Variants in NRXN1 observed in about 807,000 individuals in gnomAD.
NRXN1 encodes neurexin-1.
NRXN1 carries 39 observed loss-of-function variants against 150.9 expected under a neutral mutation model. That is an observed-to-expected ratio of 0.26 (90% CI 0.20 to 0.34). NRXN1 has a LOEUF of 0.34. Ranked by LOEUF, NRXN1 falls within the 10% of genes least tolerant of loss-of-function variation. The pLI, the probability that NRXN1 is intolerant of heterozygous loss-of-function variation, is 1.00. For missense variants in NRXN1, 1,815 were observed against 1,949.9 expected (o/e 0.93, Z 1.30); for synonymous variants, 924 against 757.0 (o/e 1.22, Z -3.62).
chr2:50,649,257 CAT>C (rs1422949726), intron 5 of NRXN1, among the ~76,000 whole-genome samples: 5 of 92,620 alleles, frequency 5.4e-5, no homozygotes, highest in Admixed American at 1.4e-4. Flanking sequence ...CACATACACA[CAT>C]ACACACACAC....
intron 21 of NRXN1, among the ~76,000 whole-genome samples, chr2:50,040,886 T>G (rs1168194886): frequency 6.6e-6 from 1 of 152,184 alleles, no homozygotes; most frequent in Non-Finnish European, 1.5e-5. Flanking sequence ...TAAATTACAC[T>G]TTAAGTTTTA....
chr2:50,660,771 G>C (rs951751009), intron 5 of NRXN1, among the ~76,000 whole-genome samples: 1 of 151,972 alleles, frequency 6.6e-6, no homozygotes, highest in Non-Finnish European at 1.5e-5. Flanking sequence ...AGATACTGGA[G>C]CACTACCTCC....
At chr2:50,831,743 C>G (rs1416414445) in intron 5 of NRXN1, among the ~76,000 whole-genome samples, 3 of 152,192 alleles carry the variant, frequency 2.0e-5, no homozygotes, top group Non-Finnish European at 4.4e-5. Context: ...AACAAGAGAG[C>G]ATTCTCCGGA....
At chr2:51,009,842 G>T (rs1182049169) in intron 2 of NRXN1, among the ~76,000 whole-genome samples, 1 of 151,742 alleles carries the variant, frequency 6.6e-6, no homozygotes, top group African/African-American at 2.4e-5. Context: ...CGTTACATCT[G>T]GTTCTGGACC....
chr2:50,291,969 C>T lies in NRXN1; in HGVS notation c.3365-54999G>A, dbSNP rs565300874. Among the ~76,000 whole-genome samples, 17 of 152,198 alleles carry T rather than the reference C, an allele frequency of 1.1e-4. No individual in the cohort carries two copies. In the East Asian group the frequency reaches 2.5e-3, roughly 23 times the overall value. On this transcript the variant is annotated intron_variant, in intron 17 of 22. Transcript: ENST00000401669. ...ACTCTTTTAGTGTTGTACACCAGGACGGTAGATAACTCACCCACAGCGTGG... is the reference window on the plus strand; with the variant it reads ...ACTCTTTTAGTGTTGTACACCAGGATGGTAGATAACTCACCCACAGCGTGG...
At chr2:50,079,741 T>C (rs1697660220) in intron 19 of NRXN1, among the ~76,000 whole-genome samples, 1 of 152,046 alleles carries the variant, frequency 6.6e-6, no homozygotes, top group Admixed American at 6.5e-5. Flanking sequence ...AAAATAATGG[T>C]GAGACAAAGT....
intron 17 of NRXN1, among the ~76,000 whole-genome samples, chr2:50,420,134 G>A (rs1026589742): frequency 3.3e-5 from 5 of 151,978 alleles, no homozygotes; most frequent in East Asian, 1.9e-4. Context: ...AACAGATTAA[G>A]AGAATTAACA....
intron 12 of NRXN1, among the ~76,000 whole-genome samples, chr2:50,507,636 C>CAAAAAAAAAA (rs71404959): frequency 1.9e-5 from 2 of 107,508 alleles, no homozygotes; most frequent in Admixed American, 1.1e-4. Flanking sequence ...TCCGTCACCT[C>CAAAAAAAAAA]AAAAAAAAAA....
chr2:50,980,840 T>C (rs576709061), intron 2 of NRXN1, among the ~76,000 whole-genome samples: 1 of 152,266 alleles, frequency 6.6e-6, no homozygotes, highest in East Asian at 1.9e-4. Flanking sequence ...TCTTCACATT[T>C]GTTCCCTAGG....
At chr2:50,392,606 G>A (rs1281387760) in intron 17 of NRXN1, among the ~76,000 whole-genome samples, 1 of 152,130 alleles carries the variant, frequency 6.6e-6, no homozygotes, top group Non-Finnish European at 1.5e-5. Flanking sequence ...AACTTTAGGG[G>A]AAAAGGTGAA....
Position 50,441,473 on chromosome 2 carries a change from T to C in NRXN1, c.3364+23969A>G, listed in dbSNP as rs1214525182. ...TTTAACAAGGTTTACTTTAGTATGATATTAAAATTCACCCTATAATTTTAA... is the reference window on the plus strand; with the variant it reads ...TTTAACAAGGTTTACTTTAGTATGACATTAAAATTCACCCTATAATTTTAA... On this transcript the variant is annotated intron_variant, in intron 17 of 22. Coordinates refer to ENST00000401669, the MANE Select transcript of NRXN1 (RefSeq NM_001330078.2). 7.9e-5 allele frequency among the ~76,000 whole-genome samples: 12 copies of C among 152,302 alleles called. No individual in the cohort carries two copies. The South Asian group carries it at 1.7e-3, about 21-fold the overall frequency.
chr2:50,936,970 C>G lies in NRXN1; in HGVS notation c.773-11015G>C, dbSNP rs572160605. Among the ~76,000 whole-genome samples the G allele has an allele frequency of 2.6e-5, 4 of 152,244 alleles. No individual in the cohort carries two copies. The South Asian group carries it at 8.3e-4, about 32-fold the overall frequency. On this transcript the variant is annotated intron_variant, in intron 2 of 22. Transcript: ENST00000401669. ...TCTTACCAATACTTCAATGTTTTAT[C>G]TATTCATCTTGAAGAAGAAATTGGA...
intron 17 of NRXN1, among the ~76,000 whole-genome samples, chr2:50,458,720 C>T (rs2087848731): frequency 6.6e-6 from 1 of 151,974 alleles, no homozygotes; most frequent in African/African-American, 2.4e-5. Context: ...GCTGGAATTA[C>T]AGGCATGTAC....
intron 8 of NRXN1, among the ~76,000 whole-genome samples, chr2:50,598,694 CTATA>C (rs201133390): frequency 1.4e-5 from 2 of 142,002 alleles, no homozygotes; most frequent in Non-Finnish European, 3.0e-5. Context: ...ATATACATAT[CTATA>C]TATATATACA....
chr2:50,057,539 T>C lies in NRXN1; in HGVS notation c.3719-2495A>G, dbSNP rs989672262. Among the ~76,000 whole-genome samples, 151 of 152,292 alleles carry C rather than the reference T, an allele frequency of 9.9e-4. 2 individuals are homozygous for C. Among genetic ancestry groups the C allele is most frequent in the South Asian group, 1.5e-3 (7 of 4,824 alleles). On this transcript the variant is annotated intron_variant, in intron 19 of 22. Coordinates refer to ENST00000401669, the MANE Select transcript of NRXN1 (RefSeq NM_001330078.2). The stretch of plus-strand genomic sequence containing the variant: ...AACCTGTAATGGCAAATTTGATAGT[T>C]TGCCTTCAAACTCTGAATATCCCTC...
chr2:50,180,621 C>T (rs2060647281), intron 18 of NRXN1, among the ~76,000 whole-genome samples: 1 of 152,094 alleles, frequency 6.6e-6, no homozygotes, highest in Non-Finnish European at 1.5e-5. Flanking sequence ...GAAAAGGATT[C>T]CTTCCCTCTG....
At chr2:49,937,524 A>G (rs759457989) in intron 22 of NRXN1, among the ~76,000 whole-genome samples, 12 of 152,186 alleles carry the variant, frequency 7.9e-5, no homozygotes, top group Non-Finnish European at 1.2e-4. Context: ...TGTTCTGGAC[A>G]ATTAAATTTA....
chr2:50,266,887 G>A (rs2068962255), intron 17 of NRXN1, among the ~76,000 whole-genome samples: 1 of 152,156 alleles, frequency 6.6e-6, no homozygotes, highest in East Asian at 1.9e-4. Context: ...GGATAAACAA[G>A]TATAGAAAAC....
chr2:50,865,539 T>TAGA (rs1047805755), intron 5 of NRXN1, among the ~76,000 whole-genome samples: 1 of 150,920 alleles, frequency 6.6e-6, no homozygotes, highest in African/African-American at 2.4e-5. Flanking sequence ...CCATTGGAAT[T>TAGA]ATTCTGTCTC....
Sources: gnomAD v4.1 joint callset for allele counts (sites outside exome capture counted in the v4.1 genomes callset) on GRCh38, gnomAD v4.1.1 for gene constraint, MANE v1.5 for transcripts, NCBI Gene and HGNC (gene_info 2026-07-23, HGNC 2026-07-21) for gene names.